HEPHL1: variants seen among roughly 807,000 people sequenced by gnomAD.
HEPHL1 encodes the protein ferroxidase HEPHL1.
HEPHL1 carries 123 observed loss-of-function variants against 122.0 expected under a neutral mutation model. The observed-to-expected ratio is 1.01, with a 90% CI of 0.87 to 1.17. The LOEUF (loss-of-function observed/expected upper bound fraction) is 1.17. HEPHL1 is among the 50% of genes most tolerant of loss of function. HEPHL1 has a pLI of 0.00. For missense variants in HEPHL1, 1,452 were observed against 1,430.5 expected (o/e 1.01, Z -0.24); for synonymous variants, 527 against 508.9 (o/e 1.04, Z -0.48).
At chr11:94,070,695 CAAA>C (rs1946068036) in intron 6 of HEPHL1, among the ~76,000 whole-genome samples, 153 bp downstream of exon 6, 2 of 152,102 alleles carry the variant, frequency 1.3e-5, no homozygotes, top group Non-Finnish European at 2.9e-5. Flanking sequence ...CTTAATACTG[CAAA>C]AGCACTGCTG....
chr11:94,104,836 C>A, intron 16 of HEPHL1, 86 bp downstream of exon 16: 1 of 1,029,766 alleles, frequency 9.7e-7, no homozygotes, highest in Non-Finnish European at 1.4e-6. Flanking sequence ...GCATCCTTCT[C>A]TGAGCCTTTC....
intron 2 of HEPHL1, among the ~76,000 whole-genome samples, chr11:94,058,023 T>C (rs1480252066): frequency 6.6e-6 from 1 of 152,152 alleles, no homozygotes; most frequent in African/African-American, 2.4e-5. Context: ...CTGCTTTTTT[T>C]ATTATTTATT....
At chr11:94,073,257 T>C in intron 7 of HEPHL1, 51 bp from the exon 8 acceptor site, 1 of 1,606,728 alleles carries the variant, frequency 6.2e-7, no homozygotes, top group Non-Finnish European at 8.5e-7. Context: ...GCTTTACTTC[T>C]TTCTGTCTCT....
At chr11:94,025,093 G>A (rs2134401057) in intron 1 of HEPHL1, among the ~76,000 whole-genome samples, 1 of 152,216 alleles carries the variant, frequency 6.6e-6, no homozygotes, top group Middle Eastern at 3.4e-3. Flanking sequence ...AAAATGAATT[G>A]AAATCATTTT....
intron 1 of HEPHL1, among the ~76,000 whole-genome samples, chr11:94,026,189 G>A (rs1308682049): frequency 1.3e-5 from 2 of 152,130 alleles, no homozygotes; most frequent in African/African-American, 4.8e-5. Context: ...CAGCCATCGT[G>A]TCTACATTCC....
intron 11 of HEPHL1, among the ~76,000 whole-genome samples, 182 bp from the exon 12 acceptor site, chr11:94,088,573 G>A (rs796896848): frequency 5.3e-5 from 8 of 152,266 alleles, no homozygotes; most frequent in African/African-American, 1.9e-4. Context: ...CTCCACAGAA[G>A]TAAATATATT....
At chr11:94,085,825 G>A (rs945928162) in intron 10 of HEPHL1, among the ~76,000 whole-genome samples, 152 bp from the exon 11 acceptor site, 17 of 151,810 alleles carry the variant, frequency 1.1e-4, no homozygotes, top group Non-Finnish European at 1.8e-4. Context: ...TGTTAATTTT[G>A]GTCTCCATTT....
intron 11 of HEPHL1, among the ~76,000 whole-genome samples, chr11:94,087,697 T>C (rs755929243): frequency 6.6e-6 from 1 of 152,038 alleles, no homozygotes; most frequent in African/African-American, 2.4e-5. Flanking sequence ...AAAAAACAAA[T>C]GTAGGGGACA....
intron 2 of HEPHL1, among the ~76,000 whole-genome samples, chr11:94,062,951 CA>C (rs775760841): frequency 4.6e-5 from 7 of 152,168 alleles, no homozygotes; most frequent in Non-Finnish European, 8.8e-5. Flanking sequence ...TGACATTCAA[CA>C]CATTCACTTT....
rs984318876 is a variant in HEPHL1 at position 94,114,182 on chromosome 11, C to T, written c.*2288C>T. ...GCCATTAAAAACAGAAAGCAATGTG[C>T]TGTCTTATTTAACTCTATAACCCCC... On this transcript the variant is annotated 3_prime_UTR_variant, in exon 20 of 20. Coordinates refer to ENST00000315765, the MANE Select transcript of HEPHL1 (RefSeq NM_001098672.2). 6.6e-6 allele frequency among the ~76,000 whole-genome samples: 1 copy of T among 152,184 alleles called. No homozygotes were observed. Among genetic ancestry groups the T allele is most frequent in the African/African-American group, 2.4e-5 (1 of 41,440 alleles).
At chr11:94,042,870 T>A (rs1212821596) in intron 1 of HEPHL1, among the ~76,000 whole-genome samples, 4 of 800 alleles carry the variant, frequency 5.0e-3, no homozygotes, top group Admixed American at 0.019. Context: ...AAACTTAAAG[T>A]ATAATAAAAA....
In HEPHL1 at chr11:94,114,023, C is replaced by T. The variant is rs115539851; in HGVS notation, c.*2129C>T. On this transcript the variant is annotated 3_prime_UTR_variant, in exon 20 of 20. Transcript: ENST00000315765. ...ACATATTTCTTCCTATTACAATACA[C>T]GTGTCCCTGCTCCTAGCAGGACAGT... Among the ~76,000 whole-genome samples the T allele has an allele frequency of 2.0e-5, 3 of 152,318 alleles. No individual in the cohort carries two copies. Among genetic ancestry groups the T allele is most frequent in the East Asian group, 1.9e-4 (1 of 5,188 alleles).
In HEPHL1 at chr11:94,111,729, G is replaced by T; in HGVS notation, c.3315G>T (p.Lys1105Asn). ...AAGAGCAGCTCTATTTCTTTGGCAA[G>T]AATCTGGGTCCAACAGGAGCCAAGG... ...PGKEQLYFFG[K>N]NLGPTGAKAA... Residue 1105 changes from lysine to asparagine, a missense_variant, in exon 20 of 20, where the codon AAG (lysine) becomes AAT (asparagine). By Grantham distance (94) the Lys-to-Asn change is moderately conservative (BLOSUM62 0). Coordinates refer to ENST00000315765, the MANE Select transcript of HEPHL1 (RefSeq NM_001098672.2). The T allele has an allele frequency of 6.2e-7, 1 of 1,607,516 alleles. No individual in the cohort carries two copies. The highest frequency in any genetic ancestry group is 1.1e-5 in the South Asian group (1 of 89,988).
chr11:94,031,626 C>T (rs1945676468), intron 1 of HEPHL1, among the ~76,000 whole-genome samples: 1 of 152,162 alleles, frequency 6.6e-6, no homozygotes, highest in Admixed American at 6.5e-5. Flanking sequence ...GAAGCTGAAC[C>T]TAGTAATTGG....
rs531181544 is a variant in HEPHL1 at position 94,095,475 on chromosome 11, T to C, written c.2434+1835T>C. Among the ~76,000 whole-genome samples, 20 of 152,294 alleles carry C rather than the reference T, an allele frequency of 1.3e-4. No individual in the cohort carries two copies. The South Asian group carries it at 3.7e-3, about 28-fold the overall frequency. On this transcript the variant is annotated intron_variant, in intron 13 of 19. Transcript: ENST00000315765. The stretch of plus-strand genomic sequence containing the variant: ...TTGGCTTAGGATTGACTTGGCAATG[T>C]GGGCTCTTTTTTGGTTCCATATGAA...
At chr11:94,031,291 T>A (rs1384683399) in intron 1 of HEPHL1, among the ~76,000 whole-genome samples, 1 of 151,080 alleles carries the variant, frequency 6.6e-6, no homozygotes, top group Middle Eastern at 3.2e-3. Flanking sequence ...CCTGGTCACT[T>A]TCCAGATGTA....
chr11:94,073,250 T>C (rs1914725), intron 7 of HEPHL1, 58 bp from the exon 8 acceptor site: 1,605,290 of 1,607,258 alleles, frequency 1, 801,680 homozygotes, highest in East Asian at 1. Flanking sequence ...CTCTTCTGCT[T>C]TACTTCTTTC....
intron 2 of HEPHL1, chr11:94,056,024 A>G: frequency 1.6e-6 from 1 of 629,546 alleles, no homozygotes; most frequent in Non-Finnish European, 2.6e-6. Flanking sequence ...CTGTTCTTTA[A>G]ATTAAGTCAG....
chr11:94,095,033 C>T (rs1946299333), intron 13 of HEPHL1, among the ~76,000 whole-genome samples: 1 of 152,112 alleles, frequency 6.6e-6, no homozygotes, highest in African/African-American at 2.4e-5. Flanking sequence ...GCTTTTGTTG[C>T]CATTGCTTTT....
Sources: gnomAD v4.1 joint callset for allele counts (sites outside exome capture counted in the v4.1 genomes callset) on GRCh38, gnomAD v4.1.1 for gene constraint, MANE v1.5 for transcripts, NCBI Gene and HGNC (gene_info 2026-07-23, HGNC 2026-07-21) for gene names.